Variants in DYNC1I1 observed in about 807,000 individuals in gnomAD.
The protein encoded by DYNC1I1 is cytoplasmic dynein 1 intermediate chain 1.
In DYNC1I1, 43 loss-of-function variants were observed where a neutral mutation model predicts 86.6. The ratio of observed to expected loss-of-function variants is 0.50; its 90% CI spans 0.39 to 0.64. The LOEUF (loss-of-function observed/expected upper bound fraction) is 0.64. Ranked by LOEUF, DYNC1I1 falls within the 30% of genes least tolerant of loss-of-function variation. The pLI is 0.00. For missense variants in DYNC1I1, 604 were observed against 788.8 expected, an observed-to-expected ratio of 0.77 and a Z score of 2.81; for synonymous variants, 262 against 283.7, an observed-to-expected ratio of 0.92 and a Z score of 0.77.
intron 15 of DYNC1I1, among the ~76,000 whole-genome samples, chr7:96,077,953 A>C (rs561648955): frequency 1.3e-4 from 20 of 152,310 alleles, no homozygotes; most frequent in African/African-American, 4.8e-4. Flanking sequence ...CAAACTGTTT[A>C]GTTTTGTGGT....
chr7:95,857,970 G>C (rs1190371585), intron 5 of DYNC1I1, among the ~76,000 whole-genome samples: 4 of 152,190 alleles, frequency 2.6e-5, no homozygotes, highest in Non-Finnish European at 5.9e-5. Flanking sequence ...GATCATTGTG[G>C]TCCTGAGAGG....
At chr7:95,864,687 T>C (rs1220896539) in intron 5 of DYNC1I1, among the ~76,000 whole-genome samples, 1 of 152,180 alleles carries the variant, frequency 6.6e-6, no homozygotes. Flanking sequence ...AGCCAGTTTC[T>C]TAATATTTTG....
At chr7:95,964,218 G>A (rs1261081836) in intron 6 of DYNC1I1, among the ~76,000 whole-genome samples, 2 of 152,110 alleles carry the variant, frequency 1.3e-5, no homozygotes, top group South Asian at 2.1e-4. Flanking sequence ...ATGAGAAAAT[G>A]GTGAAATGGG....
chr7:95,835,471 G>A (rs1021538834), intron 5 of DYNC1I1, among the ~76,000 whole-genome samples: 435 of 151,500 alleles, frequency 2.9e-3, no homozygotes, highest in African/African-American at 9.9e-3. Context: ...GGAGAGTTCT[G>A]TAGATGTCTA....
At chr7:95,920,400 G>A (rs319328) in intron 6 of DYNC1I1, among the ~76,000 whole-genome samples, 40,804 of 152,064 alleles carry the variant, frequency 0.27, 6,185 homozygotes, top group African/African-American at 0.42. Flanking sequence ...GAGACATGAT[G>A]AATAAATGCA....
intron 14 of DYNC1I1, among the ~76,000 whole-genome samples, chr7:96,074,656 A>C (rs1366398099): frequency 6.6e-6 from 1 of 151,978 alleles, no homozygotes; most frequent in Non-Finnish European, 1.5e-5. Context: ...ACTACACTAC[A>C]TTTTTGTGTG....
intron 4 of DYNC1I1, among the ~76,000 whole-genome samples, chr7:95,820,645 C>T (rs1795053531): frequency 6.6e-6 from 1 of 152,256 alleles, no homozygotes; most frequent in African/African-American, 2.4e-5. Flanking sequence ...AGTGCAGTTG[C>T]TTCAGGGACT....
In DYNC1I1 at chr7:95,873,530, A is replaced by G. The variant is rs528412515; in HGVS notation, c.490+3532A>G. On this transcript the variant is annotated intron_variant, in intron 6 of 16. Transcript: ENST00000447467. ...TGGAGTTTACCAGATGACTAGACCA[A>G]TAGAGACTTTCTTAAGGTAGCGAGT... Among the ~76,000 whole-genome samples, 7 of 152,338 alleles carry G rather than the reference A, an allele frequency of 4.6e-5. No individual in the cohort carries two copies. In the South Asian group the frequency reaches 1.2e-3, roughly 27 times the overall value.
At chr7:95,971,888 G>A (rs1793180052) in intron 6 of DYNC1I1, among the ~76,000 whole-genome samples, 1 of 152,078 alleles carries the variant, frequency 6.6e-6, no homozygotes. Flanking sequence ...TCCACTCCCT[G>A]CCTTCACTCT....
intron 6 of DYNC1I1, among the ~76,000 whole-genome samples, chr7:95,912,838 A>T (rs1478130946): frequency 1.3e-5 from 2 of 152,158 alleles, no homozygotes; most frequent in Non-Finnish European, 2.9e-5. Flanking sequence ...GGACCACCTC[A>T]AAGGCAGGAG....
chr7:95,995,028 A>G (rs1268218170), intron 9 of DYNC1I1, among the ~76,000 whole-genome samples: 4 of 152,086 alleles, frequency 2.6e-5, no homozygotes, highest in African/African-American at 9.7e-5. Flanking sequence ...CTGGTGGATC[A>G]CGAGGTCAGG....
At chr7:95,802,954 A>G (rs1277579022) in intron 1 of DYNC1I1, among the ~76,000 whole-genome samples, 1 of 152,020 alleles carries the variant, frequency 6.6e-6, no homozygotes, top group African/African-American at 2.4e-5. Flanking sequence ...CCCAGTCCCA[A>G]TTTTACCTAT....
chr7:96,080,251 T>C (rs1790472828), intron 15 of DYNC1I1, 112 bp from the exon 16 acceptor site: 1 of 1,375,728 alleles, frequency 7.3e-7, no homozygotes, highest in Non-Finnish European at 9.7e-7. Context: ...GTGTATTACT[T>C]AATGCACATG....
At chr7:96,028,923 A>C (rs1190225945) in intron 11 of DYNC1I1, among the ~76,000 whole-genome samples, 1 of 152,170 alleles carries the variant, frequency 6.6e-6, no homozygotes. Context: ...TTCCTTTAAA[A>C]GAATGACAGG....
chr7:96,106,016 G>T (rs545503927), intron 16 of DYNC1I1, among the ~76,000 whole-genome samples: 2 of 152,130 alleles, frequency 1.3e-5, no homozygotes, highest in East Asian at 3.9e-4. Flanking sequence ...TCCTGATGTT[G>T]CTAAATTATG....
At chr7:95,893,012 T>G (rs1790785011) in intron 6 of DYNC1I1, among the ~76,000 whole-genome samples, 1 of 152,220 alleles carries the variant, frequency 6.6e-6, no homozygotes, top group Non-Finnish European at 1.5e-5. Flanking sequence ...CCTCGTGACC[T>G]TTCTTAAATT....
At chr7:96,069,159 C>G (rs1790087462) in intron 14 of DYNC1I1, among the ~76,000 whole-genome samples, 1 of 152,122 alleles carries the variant, frequency 6.6e-6, no homozygotes, top group African/African-American at 2.4e-5. Context: ...TCTAATCAAC[C>G]TGATCATCGT....
chr7:96,042,182 A>T (rs933655775), intron 14 of DYNC1I1, among the ~76,000 whole-genome samples: 1 of 152,168 alleles, frequency 6.6e-6, no homozygotes, highest in African/African-American at 2.4e-5. Context: ...TATTTATATC[A>T]TAACATAAGT....
intron 1 of DYNC1I1, 57 bp from the exon 2 acceptor site, chr7:95,804,664 T>G: frequency 6.9e-7 from 1 of 1,456,822 alleles, no homozygotes; most frequent in Non-Finnish European, 9.1e-7. Context: ...ATTTTTGCAA[T>G]GATATACAGA....
Sources: allele counts gnomAD v4.1 joint callset (sites outside exome capture counted in the v4.1 genomes callset), GRCh38; gene constraint gnomAD v4.1.1; transcripts MANE v1.5; gene names NCBI Gene and HGNC (gene_info 2026-07-23, HGNC 2026-07-21).